The following NPR3 variants were observed in gnomAD, a reference collection of about 807,000 sequenced individuals.
NPR3 encodes the protein natriuretic peptide receptor 3, also known as atrial natriuretic peptide receptor 3.
A neutral mutation model predicts 54.5 loss-of-function variants in NPR3; 34 were observed. That is an observed-to-expected ratio of 0.62 (90% confidence interval 0.47 to 0.83). The LOEUF is 0.83. Among genes scored for constraint, NPR3 ranks in the 40% least tolerant of loss-of-function variants. NPR3 has a pLI of 0.00. For missense variants in NPR3, 674 were observed against 720.8 expected, an observed-to-expected ratio of 0.94 and a Z score of 0.74; for synonymous variants, 289 against 297.1, an observed-to-expected ratio of 0.97 and a Z score of 0.28.
chr5:32,763,137 C>T lies in NPR3; in HGVS notation c.1060-11571C>T, dbSNP rs1480297613. Among the ~76,000 whole-genome samples, 4 of 152,096 alleles carry T rather than the reference C, an allele frequency of 2.6e-5. No homozygotes were observed. In the East Asian group the frequency reaches 5.8e-4, roughly 22 times the overall value. ...TGTCAGGTTTGTCAAAGATCAGCTG[C>T]TTGTAGATGTGTGGTGTTATTTCTG... On this transcript the variant is annotated intron_variant, in intron 3 of 7. Coordinates refer to ENST00000265074, the MANE Select transcript of NPR3 (RefSeq NM_001204375.2).
intron 1 of NPR3, among the ~76,000 whole-genome samples, chr5:32,716,025 C>T (rs911591596): frequency 6.6e-6 from 1 of 152,234 alleles, no homozygotes; most frequent in Admixed American, 6.5e-5. Flanking sequence ...AAATAACTAA[C>T]ACAGCAGGGG....
chr5:32,746,654 A>G (rs1304925361), intron 3 of NPR3, among the ~76,000 whole-genome samples: 2 of 152,172 alleles, frequency 1.3e-5, no homozygotes, highest in African/African-American at 4.8e-5. Flanking sequence ...TTCAATTCCC[A>G]GTGTTTTTGC....
intron 3 of NPR3, among the ~76,000 whole-genome samples, chr5:32,739,815 G>A (rs2111949722): frequency 6.6e-6 from 1 of 152,306 alleles, no homozygotes; most frequent in Middle Eastern, 3.4e-3. Context: ...GGCTAGTTGA[G>A]TAGGTGTGCT....
At chr5:32,747,172 C>T (rs1191382948) in intron 3 of NPR3, among the ~76,000 whole-genome samples, 1 of 152,150 alleles carries the variant, frequency 6.6e-6, no homozygotes, top group Non-Finnish European at 1.5e-5. Context: ...TCTGCTGTTT[C>T]TCTCCACATT....
intron 3 of NPR3, among the ~76,000 whole-genome samples, chr5:32,740,608 G>GAAAAAAAA (rs143192275): frequency 6.9e-6 from 1 of 144,388 alleles, no homozygotes. Flanking sequence ...TTGAAAAAGT[G>GAAAAAAAA]AAAAAAAAAA....
At chr5:32,758,353 T>G (rs1219792118) in intron 3 of NPR3, among the ~76,000 whole-genome samples, 1 of 152,110 alleles carries the variant, frequency 6.6e-6, no homozygotes, top group African/African-American at 2.4e-5. Flanking sequence ...GTCCAGGAAT[T>G]TATCCATTTC....
chr5:32,774,931 C>T, intron 4 of NPR3, 88 bp downstream of exon 4: 1 of 1,043,414 alleles, frequency 9.6e-7, no homozygotes, highest in East Asian at 2.4e-5. Flanking sequence ...AGCTGTGGGG[C>T]CTTTCCAGCG....
rs1742837187 is a variant in NPR3, at chr5:32,790,190, C to A, written c.*3845C>A. 1 of 171,920 alleles carries A rather than the reference C, an allele frequency of 5.8e-6. No individual in the cohort carries two copies. The highest frequency in any genetic ancestry group is 1.4e-5 in the Non-Finnish European group (1 of 70,914). 10.6% of individuals were successfully genotyped at this position (171,920 alleles called of 1,614,324 possible). ...AATGAGATGATGGTGTTCAGAGGGA[C>A]CAGCTTCTTTTTCAGTTGTCTTTAG... On this transcript the variant is annotated 3_prime_UTR_variant, in exon 8 of 8. Transcript: ENST00000265074.
chr5:32,739,854 T>A (rs186028669), intron 3 of NPR3, among the ~76,000 whole-genome samples: 472 of 152,282 alleles, frequency 3.1e-3, no homozygotes, highest in Middle Eastern at 6.8e-3. Context: ...CTCTACAGCA[T>A]CCCAAATTGA....
chr5:32,712,606 T>A, intron 1 of NPR3, 61 bp downstream of exon 1: 7 of 1,452,812 alleles, frequency 4.8e-6, no homozygotes, highest in Non-Finnish European at 6.4e-6. Flanking sequence ...CGGCTCTCCC[T>A]GCACACTCGT....
chr5:32,776,022 C>T lies in NPR3; in HGVS notation c.1195+1179C>T, dbSNP rs568422491. 3.3e-5 allele frequency among the ~76,000 whole-genome samples: 5 copies of T among 152,290 alleles called. No homozygotes were observed. In the South Asian group the frequency reaches 1.0e-3, roughly 32 times the overall value. Reference sequence around the variant, plus strand: ...GTGCAAATTGAAAGCTGAAAACTTTCCTTCCCAACCTAGTCCCCTCTCCCC... The same window carrying T: ...GTGCAAATTGAAAGCTGAAAACTTTTCTTCCCAACCTAGTCCCCTCTCCCC... On this transcript the variant is annotated intron_variant, in intron 4 of 7. Coordinates refer to ENST00000265074, the MANE Select transcript of NPR3 (RefSeq NM_001204375.2).
intron 3 of NPR3, among the ~76,000 whole-genome samples, chr5:32,749,560 G>A (rs995999999): frequency 1.3e-5 from 2 of 152,072 alleles, no homozygotes; most frequent in African/African-American, 2.4e-5. Flanking sequence ...GTTATTCAAC[G>A]GATTATCCCA....
intron 1 of NPR3, 49 bp downstream of exon 1, chr5:32,712,594 C>T (rs758038873): frequency 2.0e-6 from 3 of 1,483,332 alleles, no homozygotes; most frequent in South Asian, 2.8e-5. Flanking sequence ...AACCGCTCTC[C>T]GCGGCTCTCC....
At chr5:32,724,210 A>G (rs943500746) in intron 1 of NPR3, among the ~76,000 whole-genome samples, 1 of 152,182 alleles carries the variant, frequency 6.6e-6, no homozygotes, top group Non-Finnish European at 1.5e-5. Flanking sequence ...ATTTATGTAT[A>G]TATGTATGTA....
At chr5:32,724,850 G>A (rs780423255) in intron 2 of NPR3, 30 bp downstream of exon 2, 3 of 1,612,946 alleles carry the variant, frequency 1.9e-6, no homozygotes, top group Admixed American at 3.3e-5. Flanking sequence ...CCCCTCCTCT[G>A]CTAGGGTTCC....
chr5:32,714,184 T>TC (rs1390920774), intron 1 of NPR3, among the ~76,000 whole-genome samples: 1 of 152,028 alleles, frequency 6.6e-6, no homozygotes, highest in African/African-American at 2.4e-5. Flanking sequence ...TGGGGGTGTG[T>TC]CCCCCTATGG....
At chr5:32,765,489 A>G (rs1741405111) in intron 3 of NPR3, among the ~76,000 whole-genome samples, 1 of 152,180 alleles carries the variant, frequency 6.6e-6, no homozygotes, top group East Asian at 1.9e-4. Context: ...GCAGGAAGTG[A>G]CTGGTGACAG....
chr5:32,720,053 G>T (rs1738772560), intron 1 of NPR3, among the ~76,000 whole-genome samples: 1 of 152,218 alleles, frequency 6.6e-6, no homozygotes, highest in East Asian at 1.9e-4. Flanking sequence ...TTCCAAAAGG[G>T]CCTGCTTGCT....
At chr5:32,760,666 G>GT (rs761774122) in intron 3 of NPR3, among the ~76,000 whole-genome samples, 18 of 144,290 alleles carry the variant, frequency 1.2e-4, no homozygotes, top group South Asian at 9.0e-4. Context: ...GATGAGCAGT[G>GT]GTTTTTTTTT....
Sources: allele counts gnomAD v4.1 joint callset (sites outside exome capture counted in the v4.1 genomes callset), GRCh38; gene constraint gnomAD v4.1.1; transcripts MANE v1.5; gene names NCBI Gene and HGNC (gene_info 2026-07-23, HGNC 2026-07-21).